The following BRSK1 variants were observed in gnomAD, a reference collection of about 807,000 sequenced individuals.
The protein encoded by BRSK1 is BR serine/threonine kinase 1.
Under a neutral mutation model 86.2 loss-of-function variants are expected in BRSK1, and 17 were observed. The observed-to-expected ratio is 0.20, with a 90% CI of 0.14 to 0.30. The LOEUF is 0.30. Ranked by LOEUF, BRSK1 falls within the 10% of genes least tolerant of loss-of-function variation. The pLI is 1.00. For missense variants in BRSK1, 719 were observed against 1,071.9 expected (o/e 0.67, Z 4.60); for synonymous variants, 464 against 440.1 (o/e 1.05, Z -0.68).
chr19:55,284,905 C>T (rs2088286070), intron 1 of BRSK1, among the ~76,000 whole-genome samples: 1 of 139,664 alleles, frequency 7.2e-6, no homozygotes, highest in Admixed American at 7.2e-5. Context: ...GTCTGGACTC[C>T]TGGGTTTCAG....
rs771401240 is a variant in BRSK1 at position 55,294,405 on chromosome 19, G to A, written c.678+8G>A. On this transcript the variant is annotated splice_region_variant and intron_variant, in intron 7 of 18. Coordinates refer to ENST00000309383, the MANE Select transcript of BRSK1 (RefSeq NM_032430.2). The surrounding 1 kb of genome is among the most constrained non-coding windows in gnomAD (Gnocchi z 4.9). ...CTCTTCGCCCTGCTCGTGGTAAGGC[G>A]CCCTCACCTCTCCTGTCATTTCTAG... 5 of 1,613,188 alleles carry A rather than the reference G, an allele frequency of 3.1e-6. No homozygotes were observed. The East Asian group carries it at 6.7e-5, about 22-fold the overall frequency.
At chr19:55,298,487 G>T (rs1035308210) in intron 7 of BRSK1, among the ~76,000 whole-genome samples, 2 of 152,024 alleles carry the variant, frequency 1.3e-5, no homozygotes, top group African/African-American at 2.4e-5. Flanking sequence ...GTTTATTCTT[G>T]TTCCAATAGT....
rs143164844 is a variant in BRSK1, at chr19:55,310,133, C to T, written c.2179+1405C>T. Reference sequence around the variant, plus strand: ...CCCCGTGTTTGTTTTCTATGGCCGCCGTCAACAAATGACACAGCCTTGGTG... The same window carrying T: ...CCCCGTGTTTGTTTTCTATGGCCGCTGTCAACAAATGACACAGCCTTGGTG... On this transcript the variant is annotated intron_variant, in intron 18 of 18. Transcript: ENST00000309383. The surrounding 1 kb of genome is among the most constrained non-coding windows in gnomAD (Gnocchi z 5.0). Among the ~76,000 whole-genome samples the T allele has an allele frequency of 3.1e-3, 468 of 152,308 alleles. 5 individuals are homozygous for T. The highest frequency in any genetic ancestry group is 0.011 in the African/African-American group (440 of 41,568).
In BRSK1 at chr19:55,310,735, T is replaced by G. The variant is rs1388284747; in HGVS notation, c.2180-1176T>G. On this transcript the variant is annotated intron_variant, in intron 18 of 18. Transcript: ENST00000309383. The surrounding 1 kb of genome is among the most constrained non-coding windows in gnomAD (Gnocchi z 5.0). ...CAGTCGTGCTGAGGTGCAGAAACCC[T>G]CTTTTCTCATGGTTGCTAGGGGCAA... Among the ~76,000 whole-genome samples the G allele has an allele frequency of 1.3e-5, 2 of 152,094 alleles. No individual in the cohort carries two copies. Among genetic ancestry groups the G allele is most frequent in the Non-Finnish European group, 2.9e-5 (2 of 68,026 alleles).
Position 55,290,666 on chromosome 19 carries a change from G to T in BRSK1, c.458+1046G>T, listed in dbSNP as rs541340639. On this transcript the variant is annotated intron_variant, in intron 4 of 18. Coordinates refer to ENST00000309383, the MANE Select transcript of BRSK1 (RefSeq NM_032430.2). ...TCTTTTTCTTTTTTTTTTTGAGACG[G>T]AGTCTTGCTCTGTCACCCAGGCTGG... 3.3e-5 allele frequency among the ~76,000 whole-genome samples: 5 copies of T among 150,382 alleles called. No homozygotes were observed. The South Asian group carries it at 1.0e-3, about 31-fold the overall frequency.
At position 55,304,754 on chromosome 19, in the gene BRSK1, G is replaced by A. The variant is rs750926606; in HGVS notation, c.1551G>A (p.Leu517=). ...CGCGCTCCTCTGGCGGGACCCCCTT[G>A]CACTCGCCTCTGCACACGCCCCGGG... ...GSPRSSGGTP[L]HSPLHTPRAS... Residue 517 remains leucine (L), a synonymous_variant, in exon 14 of 19, where the codon TTG becomes TTA. Coordinates refer to ENST00000309383, the MANE Select transcript of BRSK1 (RefSeq NM_032430.2). The surrounding 1 kb of genome is among the most constrained non-coding windows in gnomAD (Gnocchi z 5.2). 1 of 1,540,106 alleles carries A rather than the reference G, an allele frequency of 6.5e-7. No individual in the cohort carries two copies. The highest frequency in any genetic ancestry group is 1.2e-5 in the South Asian group (1 of 84,432).
Position 55,301,999 on chromosome 19 carries a change from AT to A in BRSK1, c.826-137del, listed in dbSNP as rs1433420400. On this transcript the variant is annotated intron_variant, in intron 8 of 18. Transcript: ENST00000309383. The stretch of plus-strand genomic sequence containing the variant: ...TGCACTCAGTCGCCACTAGAGGGCG[AT>A]GTAATATGTCATCCTGCCCCCGGTG... 32 of 1,042,764 alleles carry A rather than the reference AT, an allele frequency of 3.1e-5. No homozygotes were observed. The Admixed American group carries it at 3.6e-4, about 12-fold the overall frequency. The allele number at this position is 1,042,764 out of a possible 1,614,324, so 64.6% of individuals were successfully genotyped here.
rs765855115 is a variant in BRSK1 at position 55,287,092 on chromosome 19, G to A, written c.222G>A (p.Val74=). 6.2e-7 allele frequency: 1 copy of A among 1,613,396 alleles called. No homozygotes were observed. Among genetic ancestry groups the A allele is most frequent in the Non-Finnish European group, 8.5e-7 (1 of 1,179,784 alleles). Residue 74 remains valine (V), a synonymous_variant, in exon 2 of 19, where the codon GTG becomes GTA. Transcript: ENST00000309383. The surrounding 1 kb of genome is among the most constrained non-coding windows in gnomAD (Gnocchi z 5.3). ...ACCGGGAGAAGCTGTCGGAGTCGGT[G>A]CTGATGAAGGTGTGTGCGCCTGCTG... ...IVNREKLSES[V]LMKVEREIAI...
At position 55,287,336 on chromosome 19, in the gene BRSK1, C is replaced by A. The variant is rs774988844; in HGVS notation, c.317+37C>A. On this transcript the variant is annotated intron_variant, in intron 3 of 18. Transcript: ENST00000309383. The surrounding 1 kb of genome is among the most constrained non-coding windows in gnomAD (Gnocchi z 5.3). ...TAGACACCCAGCCCTACCCCATCCT[C>A]CCTCTCCAGGTTACCAGGGTGGGAC... 2 of 1,597,244 alleles carry A rather than the reference C, an allele frequency of 1.3e-6. No individual in the cohort carries two copies. Among genetic ancestry groups the A allele is most frequent in the South Asian group, 2.2e-5 (2 of 90,712 alleles).
Position 55,284,295 on chromosome 19 carries a change from G to T in BRSK1, c.-148G>T. The stretch of plus-strand genomic sequence containing the variant: ...CTCCGCGGCCCGCCGACTGGGGGGG[G>T]CCAGCCCAGCCCCCTGGGGACCCCC... On this transcript the variant is annotated 5_prime_UTR_variant, in exon 1 of 19. Transcript: ENST00000309383. The T allele has an allele frequency of 1.5e-6, 1 of 646,600 alleles. No homozygotes were observed. The highest frequency in any genetic ancestry group is 2.2e-6 in the Non-Finnish European group (1 of 456,976). The allele number at this position is 646,600 out of a possible 1,614,324, so 40.1% of individuals were successfully genotyped here. A position where few individuals can be genotyped will look rare whatever the true frequency, so the allele number is the denominator to read the frequency against.
chr19:55,300,073 C>T (rs1196257446), intron 7 of BRSK1, among the ~76,000 whole-genome samples: 1 of 152,164 alleles, frequency 6.6e-6, no homozygotes, highest in African/African-American at 2.4e-5. Context: ...TGGAATGCAA[C>T]TTCTCTGCTC....
In BRSK1 at chr19:55,304,909, G is replaced by A; in HGVS notation, c.1706G>A (p.Arg569His). Residue 569 changes from arginine (R) to histidine (H), a missense_variant, in exon 14 of 19, where the codon CGC becomes CAC. Arg to His is a conservative substitution (Grantham distance 29). Around this residue, in one of 6 missense-constraint regions of BRSK1, gnomAD observed 180 missense variants for 259.4 expected, o/e 0.69. Coordinates refer to ENST00000309383, the MANE Select transcript of BRSK1 (RefSeq NM_032430.2). This position sits in a 1 kb window ranked among gnomAD's most constrained non-coding sequence, Gnocchi z 5.2. ...SFLGSPRFHR[R>H]KMQVPTAEEM... is the part of the protein sequence containing the mutation. Reference sequence around the variant, plus strand: ...CTGGGCTCCCCTCGCTTTCACCGGCGCAAGATGCAGGGTATGGGGGCATGA... The same window carrying A: ...CTGGGCTCCCCTCGCTTTCACCGGCACAAGATGCAGGGTATGGGGGCATGA... The A allele has an allele frequency of 6.2e-7, 1 of 1,607,978 alleles. No individual in the cohort carries two copies. Among genetic ancestry groups the A allele is most frequent in the Non-Finnish European group, 8.5e-7 (1 of 1,179,742 alleles).
At chr19:55,293,953 A>G in intron 4 of BRSK1, 64 bp from the exon 5 acceptor site, 1 of 1,400,666 alleles carries the variant, frequency 7.1e-7, no homozygotes, top group Non-Finnish European at 9.8e-7. Flanking sequence ...TGTGAGAGCC[A>G]GTCAGTGGGG....
At position 55,306,074 on chromosome 19, in the gene BRSK1, C is replaced by T. The variant is rs776250898; in HGVS notation, c.1891-178C>T. Among the ~76,000 whole-genome samples the T allele has an allele frequency of 6.6e-6, 1 of 152,172 alleles. No homozygotes were observed. Among genetic ancestry groups the T allele is most frequent in the Admixed American group, 6.5e-5 (1 of 15,272 alleles). On this transcript the variant is annotated intron_variant, in intron 16 of 18. Coordinates refer to ENST00000309383, the MANE Select transcript of BRSK1 (RefSeq NM_032430.2). This position sits in a 1 kb window ranked among gnomAD's most constrained non-coding sequence, Gnocchi z 4.7. ...GATGTCCAACCATTCCTCCCTTACT[C>T]GCTGATAGGATAGAGAAAGCTACAA...
At chr19:55,286,921 C>G in intron 1 of BRSK1, 86 bp from the exon 2 acceptor site, 1 of 1,253,112 alleles carries the variant, frequency 8.0e-7, no homozygotes, top group Non-Finnish European at 1.2e-6. Flanking sequence ...GAGGAAGGAG[C>G]AAACAGGGTG....
At chr19:55,293,096 AC>A (rs2088432962) in intron 4 of BRSK1, among the ~76,000 whole-genome samples, 2 of 152,100 alleles carry the variant, frequency 1.3e-5, no homozygotes, top group Non-Finnish European at 2.9e-5. Flanking sequence ...GCGGTGGCTC[AC>A]CCCTGTAATT....
At position 55,291,551 on chromosome 19, in the gene BRSK1, ACT is replaced by A. The variant is rs543757669; in HGVS notation, c.458+1932_458+1933del. ...AGTTATTATTTTTTTCATTGAATTG[ACT>A]TTAGCCTCCAAATCAGATATTAAAT... On this transcript the variant is annotated intron_variant, in intron 4 of 18. Transcript: ENST00000309383. Among the ~76,000 whole-genome samples, 37 of 152,260 alleles carry A rather than the reference ACT, an allele frequency of 2.4e-4. 1 individual carries two copies. The South Asian group carries it at 7.7e-3, about 32-fold the overall frequency.
Position 55,304,750 on chromosome 19 carries a change from C to T in BRSK1, c.1547C>T (p.Pro516Leu). Residue 516 changes from proline (P) to leucine (L), a missense_variant, in exon 14 of 19, where the codon CCC (proline) becomes CTC (leucine). Physicochemically the swap from Pro to Leu is moderately conservative, Grantham distance 98 (BLOSUM62 -3). Around this residue, in one of 6 missense-constraint regions of BRSK1, gnomAD observed 143 missense variants for 120.1 expected, o/e 1.19. Coordinates refer to ENST00000309383, the MANE Select transcript of BRSK1 (RefSeq NM_032430.2). This position sits in a 1 kb window ranked among gnomAD's most constrained non-coding sequence, Gnocchi z 5.2. ...TCCCCGCGCTCCTCTGGCGGGACCC[C>T]CTTGCACTCGCCTCTGCACACGCCC... ...PGSPRSSGGT[P>L]LHSPLHTPRA... 6.5e-6 allele frequency: 10 copies of T among 1,539,006 alleles called. No homozygotes were observed. The highest frequency in any genetic ancestry group is 8.7e-6 in the Non-Finnish European group (10 of 1,147,226).
At chr19:55,298,466 C>G (rs2088523294) in intron 7 of BRSK1, among the ~76,000 whole-genome samples, 1 of 152,188 alleles carries the variant, frequency 6.6e-6, no homozygotes, top group Admixed American at 6.5e-5. Flanking sequence ...GCCACCGCAC[C>G]TGGCCTAGTA....
Sources: allele counts gnomAD v4.1 joint callset (sites outside exome capture counted in the v4.1 genomes callset), GRCh38; gene constraint gnomAD v4.1.1; regional missense constraint gnomAD v4.1.1; non-coding constraint Gnocchi (gnomAD v3.1); transcripts MANE v1.5; gene names NCBI Gene and HGNC (gene_info 2026-07-23, HGNC 2026-07-21).